Variants in CNOT4 observed in about 807,000 individuals in gnomAD.
The protein encoded by CNOT4 is CCR4-NOT transcription complex subunit 4, also known as CCR4-associated factor 4.
Under a neutral mutation model 73.8 loss-of-function variants are expected in CNOT4, and 8 were observed. The observed-to-expected ratio is 0.11, with a 90% CI of 0.06 to 0.20. The LOEUF is 0.20. CNOT4 is among the 10% of genes least tolerant of loss of function. The probability of loss-of-function intolerance (pLI) is 1.00; values close to 1 mark genes in which losing one functional copy is unlikely to be tolerated. For synonymous variants in CNOT4, 293 were observed against 321.1 expected, an observed-to-expected ratio of 0.91 and a Z score of 0.94; for missense variants, 564 against 883.4, an observed-to-expected ratio of 0.64 and a Z score of 4.58.
intron 2 of CNOT4, among the ~76,000 whole-genome samples, chr7:135,422,770 G>A (rs1024975599): frequency 6.6e-6 from 1 of 152,126 alleles, no homozygotes; most frequent in Admixed American, 6.5e-5. Context: ...CCTACTATGT[G>A]CTAGGAGATT....
intron 1 of CNOT4, among the ~76,000 whole-genome samples, chr7:135,477,981 T>C (rs1054918507): frequency 3.3e-5 from 5 of 152,166 alleles, no homozygotes; most frequent in Admixed American, 3.3e-4. Flanking sequence ...GATATGTGCT[T>C]ATTAACATGC....
rs1794788780 is a variant in CNOT4, at chr7:135,364,137, TC to T, written c.1628-72del. On this transcript the variant is annotated intron_variant, in intron 10 of 11. Coordinates refer to ENST00000541284, the MANE Select transcript of CNOT4 (RefSeq NM_001190850.2). This position sits in a 1 kb window ranked among gnomAD's most constrained non-coding sequence, Gnocchi z 4.3. ...AAGCTACGTTAGAAACATATGTTGT[TC>T]TTTAGTGGTTAAGCGGGAGAAGAAT... is the stretch of plus-strand genomic sequence containing the variant. 5.5e-6 allele frequency: 6 copies of T among 1,096,598 alleles called. No homozygotes were observed. The South Asian group carries it at 8.7e-5, about 16-fold the overall frequency. The allele number at this position is 1,096,598 out of a possible 1,614,324, so 67.9% of individuals were successfully genotyped here.
intron 1 of CNOT4, among the ~76,000 whole-genome samples, chr7:135,464,631 T>C (rs899330574): frequency 6.6e-6 from 1 of 152,078 alleles, no homozygotes; most frequent in Non-Finnish European, 1.5e-5. Context: ...TGTTTACCTA[T>C]GTAACAAACC....
At chr7:135,423,853 G>A (rs1798329529) in intron 2 of CNOT4, among the ~76,000 whole-genome samples, 1 of 152,066 alleles carries the variant, frequency 6.6e-6, no homozygotes, top group South Asian at 2.1e-4. Flanking sequence ...GGCATACAAA[G>A]CAGCTTGCTT....
chr7:135,382,098 T>C (rs1185111416), intron 10 of CNOT4, among the ~76,000 whole-genome samples: 1 of 152,172 alleles, frequency 6.6e-6, no homozygotes, highest in African/African-American at 2.4e-5. Context: ...AGCTGTTTTA[T>C]GGAACATCTG....
intron 7 of CNOT4, among the ~76,000 whole-genome samples, chr7:135,409,942 G>A (rs977594965): frequency 2.6e-5 from 4 of 152,006 alleles, no homozygotes; most frequent in Non-Finnish European, 5.9e-5. Flanking sequence ...ATTTATTTAA[G>A]CATTGACACA....
intron 1 of CNOT4, among the ~76,000 whole-genome samples, chr7:135,457,637 AC>A (rs1395276311): frequency 2.0e-5 from 3 of 152,126 alleles, no homozygotes; most frequent in African/African-American, 4.8e-5. Context: ...ATACTATTTT[AC>A]ATAAAATATC....
chr7:135,431,752 A>C (rs1438262300), intron 2 of CNOT4, among the ~76,000 whole-genome samples: 1 of 16 alleles, frequency 0.062, no homozygotes, highest in East Asian at 0.5. Flanking sequence ...TCAAAAAAAA[A>C]AAGAAACATA....
chr7:135,449,459 A>G (rs1458509591), intron 1 of CNOT4, among the ~76,000 whole-genome samples: 3 of 152,362 alleles, frequency 2.0e-5, no homozygotes, highest in East Asian at 1.9e-4. Context: ...CTAGACCCAG[A>G]AAGTACAACA....
intron 1 of CNOT4, among the ~76,000 whole-genome samples, chr7:135,478,025 T>C (rs1802105742): frequency 6.6e-6 from 1 of 152,154 alleles, no homozygotes; most frequent in South Asian, 2.1e-4. Flanking sequence ...AAATGTGGTG[T>C]TATCTGTTTA....
chr7:135,482,710 G>C (rs1016205419), intron 1 of CNOT4, among the ~76,000 whole-genome samples: 4 of 152,148 alleles, frequency 2.6e-5, no homozygotes, highest in African/African-American at 7.2e-5. Context: ...GCCGAGCACA[G>C]TGGCTAACGC....
At chr7:135,439,079 T>G (rs1799324008) in intron 1 of CNOT4, among the ~76,000 whole-genome samples, 1 of 152,204 alleles carries the variant, frequency 6.6e-6, no homozygotes, top group South Asian at 2.1e-4. Flanking sequence ...AAATAGACCT[T>G]CATATCACAA....
intron 2 of CNOT4, among the ~76,000 whole-genome samples, chr7:135,428,320 G>A (rs571876672): frequency 6.6e-6 from 1 of 152,024 alleles, no homozygotes. Context: ...ACAATAACAA[G>A]GAAGCAGCCA....
intron 1 of CNOT4, among the ~76,000 whole-genome samples, chr7:135,463,431 G>A (rs897410861): frequency 1.1e-4 from 17 of 151,534 alleles, no homozygotes; most frequent in African/African-American, 3.6e-4. Context: ...TCGGCTATTC[G>A]GGGGGCTGAG....
intron 2 of CNOT4, 122 bp downstream of exon 2, chr7:135,438,036 T>C (rs1799264431): frequency 1.8e-6 from 1 of 547,766 alleles, no homozygotes. Context: ...ATAATACACA[T>C]AATAAAATAA....
intron 8 of CNOT4, among the ~76,000 whole-genome samples, chr7:135,396,107 C>CATTTT (rs1796670336): frequency 1.0e-5 from 1 of 95,432 alleles, no homozygotes; most frequent in Non-Finnish European, 2.0e-5. Flanking sequence ...ACTAGTCTCC[C>CATTTT]TTTTTTTTTT....
intron 7 of CNOT4, among the ~76,000 whole-genome samples, chr7:135,408,444 T>C (rs1180399266): frequency 6.6e-6 from 1 of 152,044 alleles, no homozygotes; most frequent in African/African-American, 2.4e-5. Context: ...ACTAAGAAAA[T>C]ACACAATGCA....
chr7:135,508,102 C>G (rs1269285511), intron 1 of CNOT4, among the ~76,000 whole-genome samples: 1 of 152,114 alleles, frequency 6.6e-6, no homozygotes, highest in Non-Finnish European at 1.5e-5. Context: ...ATTACAATAA[C>G]CCAGTAATGG....
chr7:135,400,552 A>T (rs1053326443), intron 7 of CNOT4, among the ~76,000 whole-genome samples: 1 of 152,160 alleles, frequency 6.6e-6, no homozygotes, highest in Non-Finnish European at 1.5e-5. Context: ...AATTTTCAAT[A>T]TAAATGAGGT....
Sources: gnomAD v4.1 joint callset for allele counts (sites outside exome capture counted in the v4.1 genomes callset) on GRCh38, gnomAD v4.1.1 for gene constraint, Gnocchi (gnomAD v3.1) non-coding constraint, MANE v1.5 for transcripts, NCBI Gene and HGNC (gene_info 2026-07-23, HGNC 2026-07-21) for gene names.